UXS1: variants seen among roughly 807,000 people sequenced by gnomAD.
The protein encoded by UXS1 is UDP-glucuronate decarboxylase 1, also known as UDP-glucuronic acid decarboxylase 1.
UXS1 carries 33 observed loss-of-function variants against 62.6 expected under a neutral mutation model. That is an observed-to-expected ratio of 0.53 (90% CI 0.40 to 0.70). The LOEUF is 0.70. UXS1 is among the 30% of genes least tolerant of loss of function. The probability of loss-of-function intolerance (pLI) is 0.00; values close to 1 mark genes in which losing one functional copy is unlikely to be tolerated. For synonymous variants in UXS1, 213 were observed against 206.8 expected, an observed-to-expected ratio of 1.03 and a Z score of -0.26; for missense variants, 434 against 556.3, an observed-to-expected ratio of 0.78 and a Z score of 2.21.
intron 9 of UXS1, among the ~76,000 whole-genome samples, chr2:106,120,449 C>G (rs1679433506): frequency 6.6e-6 from 1 of 152,146 alleles, no homozygotes; most frequent in South Asian, 2.1e-4. Flanking sequence ...GAAAGGGTGG[C>G]AATATCACAC....
Position 106,126,127 on chromosome 2 carries a change from C to G in UXS1, c.578-448G>C, listed in dbSNP as rs544222272. On this transcript the variant is annotated intron_variant, in intron 7 of 14. Coordinates refer to ENST00000283148, the MANE Select transcript of UXS1 (RefSeq NM_001253875.2). ...TGCCCATGCCACCCTGTCTGGGTAA[C>G]TCTCCACTCATTCTTCTTCCTCCTA... 2.6e-5 allele frequency among the ~76,000 whole-genome samples: 4 copies of G among 152,300 alleles called. No homozygotes were observed. The East Asian group carries it at 7.7e-4, about 29-fold the overall frequency.
chr2:106,149,214 T>C (rs1327049553), intron 5 of UXS1, among the ~76,000 whole-genome samples: 1 of 152,126 alleles, frequency 6.6e-6, no homozygotes, highest in Non-Finnish European at 1.5e-5. Flanking sequence ...GTCTGTTTGC[T>C]GTGGTGATGT....
At chr2:106,143,579 C>G (rs147680371) in intron 6 of UXS1, among the ~76,000 whole-genome samples, 10 of 152,026 alleles carry the variant, frequency 6.6e-5, no homozygotes, top group Non-Finnish European at 1.5e-4. Flanking sequence ...TCTACAGGAC[C>G]GGGCACAGTA....
chr2:106,169,115 A>G (rs1683384347), intron 1 of UXS1, among the ~76,000 whole-genome samples: 1 of 152,234 alleles, frequency 6.6e-6, no homozygotes, highest in Middle Eastern at 3.2e-3. Context: ...CAGCTCGGAC[A>G]CCACGCACTG....
In UXS1 at chr2:106,129,744, G is replaced by T; in HGVS notation, c.507C>A (p.Ser169=). 1 of 1,611,448 alleles carries T rather than the reference G, an allele frequency of 6.2e-7. No homozygotes were observed. The highest frequency in any genetic ancestry group is 8.5e-7 in the Non-Finnish European group (1 of 1,178,632). The change falls in exon 7 of 15, where the codon TCC becomes TCA. Residue 169 remains serine (S), a synonymous_variant. Transcript: ENST00000283148. ...TAGGATTATACATGTAGTTTGGAGG[G>T]GAGGCTGGAGATGCCAGATGGTATA... The part of the protein sequence containing the change: ...DQIYHLASPA[S]PPNYMYNPIK...
chr2:106,163,080 G>GCT (rs1412132833), intron 4 of UXS1, among the ~76,000 whole-genome samples: 1 of 152,180 alleles, frequency 6.6e-6, no homozygotes, highest in Non-Finnish European at 1.5e-5. Flanking sequence ...GGAGGCTGAG[G>GCT]CTCAGCGGCC....
intron 5 of UXS1, among the ~76,000 whole-genome samples, chr2:106,153,240 T>C (rs1426491910): frequency 6.6e-6 from 1 of 152,172 alleles, no homozygotes; most frequent in Non-Finnish European, 1.5e-5. Context: ...GCCAAGGGGA[T>C]AGAATTTAAC....
At chr2:106,109,472 C>T (rs11695995) in intron 10 of UXS1, among the ~76,000 whole-genome samples, 129,156 of 152,096 alleles carry the variant, frequency 0.85, 55,519 homozygotes, top group Non-Finnish European at 0.93. Context: ...CCCAATTCTA[C>T]CACATCTGAC....
intron 10 of UXS1, among the ~76,000 whole-genome samples, chr2:106,107,515 C>T (rs1453228993): frequency 6.6e-6 from 1 of 152,200 alleles, no homozygotes; most frequent in Admixed American, 6.5e-5. Context: ...GTAAGCCCCC[C>T]GACCGGGATG....
intron 6 of UXS1, among the ~76,000 whole-genome samples, chr2:106,137,587 G>A (rs1410140065): frequency 6.6e-6 from 1 of 151,562 alleles, no homozygotes; most frequent in African/African-American, 2.4e-5. Flanking sequence ...TCAGGAGTTC[G>A]AATCCAGCCT....
intron 1 of UXS1, among the ~76,000 whole-genome samples, chr2:106,182,199 A>G (rs1470763010): frequency 2.0e-5 from 3 of 152,236 alleles, no homozygotes; most frequent in African/African-American, 7.2e-5. Context: ...CACAGTGGAA[A>G]AATAATTGTC....
At chr2:106,163,818 T>A (rs1205478339) in intron 3 of UXS1, 108 bp from the exon 4 acceptor site, 3 of 587,756 alleles carry the variant, frequency 5.1e-6, no homozygotes, top group Non-Finnish European at 8.1e-6. Context: ...TAATTTCTTC[T>A]ACAAATTAAC....
At chr2:106,136,983 A>AAAAG (rs1558711232) in intron 6 of UXS1, among the ~76,000 whole-genome samples, 3 of 148,284 alleles carry the variant, frequency 2.0e-5, no homozygotes, top group East Asian at 2.0e-4. Flanking sequence ...AAAAAAAAAA[A>AAAAG]AAAGAAAGCC....
chr2:106,116,713 G>A (rs1295429904), intron 9 of UXS1, among the ~76,000 whole-genome samples: 1 of 152,214 alleles, frequency 6.6e-6, no homozygotes, highest in Non-Finnish European at 1.5e-5. Flanking sequence ...ACTGAGCTGT[G>A]GAGTGGCTTG....
At chr2:106,142,024 G>T (rs1681148438) in intron 6 of UXS1, among the ~76,000 whole-genome samples, 1 of 151,782 alleles carries the variant, frequency 6.6e-6, no homozygotes, top group African/African-American at 2.4e-5. Flanking sequence ...ACATGCACAA[G>T]CATGCCCAGC....
At chr2:106,184,502 C>T (rs1206750162) in intron 1 of UXS1, among the ~76,000 whole-genome samples, 1 of 152,216 alleles carries the variant, frequency 6.6e-6, no homozygotes, top group African/African-American at 2.4e-5. Context: ...GGCTAATAAA[C>T]AGGAATTTGT....
At chr2:106,190,180 A>G (rs1296563275) in intron 1 of UXS1, among the ~76,000 whole-genome samples, 2 of 152,230 alleles carry the variant, frequency 1.3e-5, no homozygotes, top group Non-Finnish European at 2.9e-5. Context: ...ACACCAGCCA[A>G]TTATTCGCTG....
At chr2:106,140,848 C>T (rs1681044065) in intron 6 of UXS1, among the ~76,000 whole-genome samples, 1 of 152,186 alleles carries the variant, frequency 6.6e-6, no homozygotes, top group African/African-American at 2.4e-5. Flanking sequence ...CGACACAATG[C>T]ACATTTCTGC....
intron 13 of UXS1, 94 bp from the exon 14 acceptor site, chr2:106,096,915 G>A (rs1677160505): frequency 1.7e-6 from 2 of 1,193,848 alleles, no homozygotes; most frequent in African/African-American, 1.5e-5. Flanking sequence ...CCCCATATGT[G>A]GTGTGAATAG....
Sources: allele counts gnomAD v4.1 joint callset (sites outside exome capture counted in the v4.1 genomes callset), GRCh38; gene constraint gnomAD v4.1.1; transcripts MANE v1.5; gene names NCBI Gene and HGNC (gene_info 2026-07-23, HGNC 2026-07-21).